SARS1: variants seen among roughly 807,000 people sequenced by gnomAD.
SARS1 encodes serine--tRNA ligase, cytoplasmic.
SARS1 carries 25 observed loss-of-function variants against 63.7 expected under a neutral mutation model. The ratio of observed to expected loss-of-function variants is 0.39; its 90% CI spans 0.29 to 0.55. The LOEUF (loss-of-function observed/expected upper bound fraction) is 0.55. SARS1 is among the 20% of genes least tolerant of loss of function. The probability of loss-of-function intolerance (pLI) is 0.62; values close to 1 mark genes in which losing one functional copy is unlikely to be tolerated. For missense variants in SARS1, 417 were observed against 649.7 expected (o/e 0.64, Z 3.89); for synonymous variants, 231 against 243.5 (o/e 0.95, Z 0.48).
chr1:109,233,862 A>ATTTTTTTTTTTTTTTTTTTTTT (rs1164453054), intron 6 of SARS1, among the ~76,000 whole-genome samples: 1 of 65,994 alleles, frequency 1.5e-5, no homozygotes, highest in African/African-American at 5.5e-5. Context: ...CACCTGGCTA[A>ATTTTTTTTTTTTTTTTTTTTTT]TTTTTTTTTT....
intron 6 of SARS1, among the ~76,000 whole-genome samples, chr1:109,233,165 ATTT>A (rs11306493): frequency 2.0e-5 from 3 of 150,728 alleles, no homozygotes; most frequent in Non-Finnish European, 4.4e-5. Flanking sequence ...ATTTAATTTA[ATTT>A]TTTTTTTTTA....
In SARS1 at chr1:109,237,519, G is replaced by C. The variant is rs1655339676; in HGVS notation, c.1387+146G>C. 7.5e-7 allele frequency: 1 copy of C among 1,325,844 alleles called. No homozygotes were observed. The highest frequency in any genetic ancestry group is 1.8e-4 in the Middle Eastern group (1 of 5,480). The allele number at this position is 1,325,844 out of a possible 1,614,324, so 82.1% of individuals were successfully genotyped here. A position where few individuals can be genotyped will look rare whatever the true frequency, so the allele number is the denominator to read the frequency against. ...CTGCCCTCTCGGGCTGGGCAGGGCA[G>C]GGGGCCTGGTTGAGAAAGTAGCCAG... On this transcript the variant is annotated intron_variant, in intron 10 of 10. Transcript: ENST00000234677. This position sits in a 1 kb window ranked among gnomAD's most constrained non-coding sequence, Gnocchi z 4.1.
In SARS1 at chr1:109,237,482, C is replaced by T. The variant is rs1655338134; in HGVS notation, c.1387+109C>T. On this transcript the variant is annotated intron_variant, in intron 10 of 10. Coordinates refer to ENST00000234677, the MANE Select transcript of SARS1 (RefSeq NM_006513.4). The surrounding 1 kb of genome is among the most constrained non-coding windows in gnomAD (Gnocchi z 4.1). ...AGGTTTTTTTGTTCAGACACAGCCC[C>T]TGAAACTCTGTCTGCCCTCTCGGGC... 1 of 1,503,826 alleles carries T rather than the reference C, an allele frequency of 6.6e-7. No homozygotes were observed. The allele number at this position is 1,503,826 out of a possible 1,614,324, so 93.2% of individuals were successfully genotyped here.
Position 109,238,056 on chromosome 1 carries a change from C to T in SARS1, c.*168C>T. 1 of 712,528 alleles carries T rather than the reference C, an allele frequency of 1.4e-6. No homozygotes were observed. Among genetic ancestry groups the T allele is most frequent in the African/African-American group, 1.8e-5 (1 of 55,772 alleles). The allele number at this position is 712,528 out of a possible 1,614,324, so 44.1% of individuals were successfully genotyped here. ...CCACACAGATGTTCCTGTCTCCTCG[C>T]ATGGGCATAGGGACCCATCATTGAT... On this transcript the variant is annotated 3_prime_UTR_variant, in exon 11 of 11. Coordinates refer to ENST00000234677, the MANE Select transcript of SARS1 (RefSeq NM_006513.4).
At position 109,235,397 on chromosome 1, in the gene SARS1, C is replaced by T. The variant is rs1406721288; in HGVS notation, c.935C>T (p.Thr312Ile). 2 of 1,613,582 alleles carry T rather than the reference C, an allele frequency of 1.2e-6. No homozygotes were observed. The highest frequency in any genetic ancestry group is 1.3e-5 in the African/African-American group (1 of 74,908). Reference protein sequence around the residue: ...RQEVGSHGRDTRGIFRVHQFE... With the variant: ...RQEVGSHGRDIRGIFRVHQFE... ...GAGGTGGGCTCCCATGGCCGTGACA[C>T]CCGTGGCATCTTCCGAGTCCATCAG... is the stretch of plus-strand genomic sequence containing the variant. Residue 312 changes from threonine (T) to isoleucine (I), a missense_variant, in exon 7 of 11, where the codon ACC (threonine) becomes ATC (isoleucine). Thr to Ile is a moderately conservative substitution (Grantham distance 89, BLOSUM62 -1). Coordinates refer to ENST00000234677, the MANE Select transcript of SARS1 (RefSeq NM_006513.4). This position sits in a 1 kb window ranked among gnomAD's most constrained non-coding sequence, Gnocchi z 4.7.
chr1:109,214,101 G>C lies in SARS1; in HGVS notation c.109G>C (p.Val37Leu), dbSNP rs752479665. Reference sequence around the variant, plus strand: ...GGACCCGGGACTAGTGGACCAGCTGGTGAAGGCAGACAGCGAGTGGCGACG... The same window carrying C: ...GGACCCGGGACTAGTGGACCAGCTGCTGAAGGCAGACAGCGAGTGGCGACG... ...FKDPGLVDQLVKADSEWRRCR... is the reference protein window; with the variant it reads ...FKDPGLVDQLLKADSEWRRCR... The change falls in exon 1 of 11, where the codon GTG (valine) becomes CTG (leucine). Residue 37 changes from valine to leucine, a missense_variant. By Grantham distance (32) the Val-to-Leu change is conservative (BLOSUM62 1). Transcript: ENST00000234677. The surrounding 1 kb of genome is among the most constrained non-coding windows in gnomAD (Gnocchi z 4.6). 7 of 1,613,974 alleles carry C rather than the reference G, an allele frequency of 4.3e-6. No homozygotes were observed. Among genetic ancestry groups the C allele is most frequent in the Non-Finnish European group, 5.9e-6 (7 of 1,179,998 alleles).
At chr1:109,221,970 G>GTGTGTGTGTGTGTA (rs1654939076) in intron 1 of SARS1, among the ~76,000 whole-genome samples, 10 of 28,062 alleles carry the variant, frequency 3.6e-4, no homozygotes, top group African/African-American at 1.0e-3. Context: ...TTGTGTGTGT[G>GTGTGTGTGTGTGTA]TATATATATA....
intron 6 of SARS1, among the ~76,000 whole-genome samples, chr1:109,232,774 T>G (rs1241491118): frequency 6.6e-6 from 1 of 152,216 alleles, no homozygotes; most frequent in Non-Finnish European, 1.5e-5. Flanking sequence ...TTTTCTAATT[T>G]CAACCCCTAA....
chr1:109,216,610 G>A (rs1654794298), intron 1 of SARS1: 1 of 974,750 alleles, frequency 1.0e-6, no homozygotes, highest in Admixed American at 6.2e-5. Context: ...TCTTTTTACT[G>A]TACATTGAAA....
chr1:109,214,435 CG>C lies in SARS1; in HGVS notation c.136+311del, dbSNP rs112236721. On this transcript the variant is annotated intron_variant, in intron 1 of 10. Coordinates refer to ENST00000234677, the MANE Select transcript of SARS1 (RefSeq NM_006513.4). This position sits in a 1 kb window ranked among gnomAD's most constrained non-coding sequence, Gnocchi z 4.6. The stretch of plus-strand genomic sequence containing the variant: ...TGCCCCAGGGGTTGCCAGAACATGC[CG>C]GGGCGGGAGGTTGTGGGGTCTACGC... 354 of 797,928 alleles carry C rather than the reference CG, an allele frequency of 4.4e-4. 2 individuals are homozygous for C. In the African/African-American group the frequency reaches 5.8e-3, roughly 13 times the overall value. The allele number at this position is 797,928 out of a possible 1,614,324, so 49.4% of individuals were successfully genotyped here. A position where few individuals can be genotyped will look rare whatever the true frequency, so the allele number is the denominator to read the frequency against.
intron 4 of SARS1, among the ~76,000 whole-genome samples, 173 bp from the exon 5 acceptor site, chr1:109,230,705 T>C (rs1318087382): frequency 6.6e-6 from 1 of 151,784 alleles, no homozygotes; most frequent in Non-Finnish European, 1.5e-5. Flanking sequence ...CAGCTGAGGC[T>C]GAGGTGGGAG....
Position 109,237,828 on chromosome 1 carries a change from A to G in SARS1, c.1485A>G (p.Ala495=). The part of the protein sequence containing the change: ...KKQHEGSKKK[A]AARDVTLENR... ...AACATGAGGGCAGCAAAAAGAAAGC[A>G]GCAGCAAGAGACGTCACCCTAGAAA... The change falls in exon 11 of 11, where the codon GCA becomes GCG. Residue 495 remains alanine (A), a synonymous_variant. Coordinates refer to ENST00000234677, the MANE Select transcript of SARS1 (RefSeq NM_006513.4). The surrounding 1 kb of genome is among the most constrained non-coding windows in gnomAD (Gnocchi z 4.1). 2 of 1,614,224 alleles carry G rather than the reference A, an allele frequency of 1.2e-6. No individual in the cohort carries two copies. Among genetic ancestry groups the G allele is most frequent in the Non-Finnish European group, 1.7e-6 (2 of 1,180,028 alleles).
chr1:109,216,347 C>G, intron 1 of SARS1: 1 of 985,392 alleles, frequency 1.0e-6, no homozygotes, highest in Non-Finnish European at 1.2e-6. Context: ...ACTAGGGTTC[C>G]TTTGGAGAAC....
At chr1:109,236,597 C>A in intron 9 of SARS1, 49 bp downstream of exon 9, 2 of 1,577,388 alleles carry the variant, frequency 1.3e-6, no homozygotes, top group African/African-American at 2.7e-5. Flanking sequence ...GTACACGGCC[C>A]GTCCGAATTA....
Position 109,229,410 on chromosome 1 carries a change from G to A in SARS1, c.289-4G>A. On this transcript the variant is annotated splice_region_variant and splice_polypyrimidine_tract_variant and intron_variant, in intron 3 of 10. Coordinates refer to ENST00000234677, the MANE Select transcript of SARS1 (RefSeq NM_006513.4). ...GCTTATGGGCCTGGCCTGTTCATCTGCAGAACCTGAAAGTCTCACAAATCA... is the reference window on the plus strand; with the variant it reads ...GCTTATGGGCCTGGCCTGTTCATCTACAGAACCTGAAAGTCTCACAAATCA... The A allele has an allele frequency of 6.2e-7, 1 of 1,613,774 alleles. No individual in the cohort carries two copies.
intron 4 of SARS1, 63 bp downstream of exon 4, chr1:109,229,635 A>T (rs1570760353): frequency 6.6e-7 from 1 of 1,526,094 alleles, no homozygotes; most frequent in African/African-American, 1.4e-5. Context: ...AGGGGCGGGG[A>T]CGGGAGGAGA....
intron 1 of SARS1, among the ~76,000 whole-genome samples, chr1:109,221,972 A>ATG (rs1654939438): frequency 1.7e-4 from 1 of 5,798 alleles, no homozygotes; most frequent in African/African-American, 6.3e-4. Flanking sequence ...GTGTGTGTGT[A>ATG]TATATATATA....
chr1:109,236,921 T>A (rs910824459), intron 9 of SARS1: 22 of 1,544,568 alleles, frequency 1.4e-5, no homozygotes, highest in Non-Finnish European at 1.9e-5. Flanking sequence ...GCCCTACTCT[T>A]TTCCAAGTCA....
intron 1 of SARS1, among the ~76,000 whole-genome samples, chr1:109,218,727 C>T (rs1450352665): frequency 1.3e-5 from 2 of 152,164 alleles, no homozygotes; most frequent in Non-Finnish European, 2.9e-5. Context: ...TGCTCCTTAT[C>T]AGGGTGTGCC....
Sources: allele counts gnomAD v4.1 joint callset (sites outside exome capture counted in the v4.1 genomes callset), GRCh38; gene constraint gnomAD v4.1.1; non-coding constraint Gnocchi (gnomAD v3.1); transcripts MANE v1.5; gene names NCBI Gene and HGNC (gene_info 2026-07-23, HGNC 2026-07-21).